Variants in PAX7 observed in about 807,000 individuals in gnomAD.
PAX7 encodes paired box protein Pax-7.
Under a neutral mutation model 50.7 loss-of-function variants are expected in PAX7, and 18 were observed. The observed-to-expected ratio is 0.36, with a 90% CI of 0.25 to 0.53. The LOEUF (loss-of-function observed/expected upper bound fraction) is 0.53, where lower values mean the gene tolerates loss of function less well. Among genes scored for constraint, PAX7 ranks in the 20% least tolerant of loss-of-function variants. The pLI is 0.93. For missense variants in PAX7, 644 were observed against 702.9 expected (o/e 0.92, Z 0.95); for synonymous variants, 310 against 290.4 (o/e 1.07, Z -0.69).
Position 18,726,273 on chromosome 1 carries a change from G to A in PAX7, c.1156-9359G>A, listed in dbSNP as rs774789380. Among the ~76,000 whole-genome samples, 1 of 152,072 alleles carries A rather than the reference G, an allele frequency of 6.6e-6. No homozygotes were observed. Among genetic ancestry groups the A allele is most frequent in the Non-Finnish European group, 1.5e-5 (1 of 68,006 alleles). On this transcript the variant is annotated intron_variant, in intron 7 of 8. Transcript: ENST00000420770. This position sits in a 1 kb window ranked among gnomAD's most constrained non-coding sequence, Gnocchi z 4.8. Reference sequence around the variant, plus strand: ...CAGTCCTTAACTAAAAGCCTCCAAGGACCCCTGGAATGGGGAGGGGGCACT... The same window carrying A: ...CAGTCCTTAACTAAAAGCCTCCAAGAACCCCTGGAATGGGGAGGGGGCACT...
intron 4 of PAX7, among the ~76,000 whole-genome samples, chr1:18,646,885 G>T (rs1320337777): frequency 6.7e-6 from 1 of 148,944 alleles, no homozygotes; most frequent in African/African-American, 2.5e-5. Context: ...GGCGCGGGGC[G>T]GCGCGGCGCG....
At chr1:18,694,290 T>C (rs1203564677) in intron 5 of PAX7, among the ~76,000 whole-genome samples, 1 of 151,824 alleles carries the variant, frequency 6.6e-6, no homozygotes, top group Non-Finnish European at 1.5e-5. Context: ...AGAAACCCTG[T>C]CTCTACTAAA....
intron 4 of PAX7, among the ~76,000 whole-genome samples, chr1:18,672,600 T>TTG (rs1371400281): frequency 4.1e-5 from 6 of 146,734 alleles, no homozygotes; most frequent in African/African-American, 1.6e-4. Flanking sequence ...CACTGTGTTT[T>TTG]TTTTTTTTTT....
rs370742910 is a variant in PAX7 at position 18,700,752 on chromosome 1, G to A, written c.886G>A (p.Gly296Ser). Residue 296 changes from glycine (G) to serine (S), a missense_variant, in exon 6 of 9, where the codon GGC (glycine) becomes AGC (serine). Transcript: ENST00000420770. This position sits in a 1 kb window ranked among gnomAD's most constrained non-coding sequence, Gnocchi z 4.8. ...TCTGCCAGGAGGCTTCCCACCCACC[G>A]GCATGCCCACGCTGCCCCCCTACCA... ...HLLPGGFPPT[G>S]MPTLPPYQLP... 2.4e-5 allele frequency: 38 copies of A among 1,595,124 alleles called. No homozygotes were observed. The highest frequency in any genetic ancestry group is 8.2e-5 in the African/African-American group (6 of 73,548).
rs143723853 is a variant in PAX7 at position 18,716,576 on chromosome 1, C to T, written c.1155+13280C>T. 6.6e-3 allele frequency among the ~76,000 whole-genome samples: 1,007 copies of T among 151,708 alleles called. 13 individuals are homozygous for T. The highest frequency in any genetic ancestry group is 0.022 in the African/African-American group (925 of 41,182). On this transcript the variant is annotated intron_variant, in intron 7 of 8. Coordinates refer to ENST00000420770, the MANE Select transcript of PAX7 (RefSeq NM_001135254.2). ...CCCCACTTCCTCTTTTCTCCCTTCG[C>T]GCCCCATTTCCCTTCGCCCCCTGTG...
intron 1 of PAX7, among the ~76,000 whole-genome samples, chr1:18,633,680 T>C (rs968619112): frequency 6.6e-6 from 1 of 152,212 alleles, no homozygotes; most frequent in Non-Finnish European, 1.5e-5. Context: ...CAACAGCATA[T>C]GTCACCCGTC....
intron 4 of PAX7, among the ~76,000 whole-genome samples, chr1:18,654,551 G>A (rs1015077343): frequency 2.0e-5 from 3 of 152,218 alleles, no homozygotes; most frequent in African/African-American, 7.2e-5. Context: ...CCAGCGAGTG[G>A]CAAGGTGGCA....
At chr1:18,677,919 T>A (rs2088846356) in intron 4 of PAX7, among the ~76,000 whole-genome samples, 2 of 151,354 alleles carry the variant, frequency 1.3e-5, no homozygotes. Flanking sequence ...CTGTCTCTAC[T>A]AAGCATACAA....
At chr1:18,674,039 C>A (rs945022447) in intron 4 of PAX7, among the ~76,000 whole-genome samples, 1 of 152,230 alleles carries the variant, frequency 6.6e-6, no homozygotes, top group African/African-American at 2.4e-5. Flanking sequence ...CACTCACCAA[C>A]AATCACGTTG....
chr1:18,732,419 C>T (rs2089657411), intron 7 of PAX7, among the ~76,000 whole-genome samples: 1 of 152,208 alleles, frequency 6.6e-6, no homozygotes, highest in South Asian at 2.1e-4. Flanking sequence ...CACGTAGGCA[C>T]TGGGACTACA....
chr1:18,636,830 A>AC lies in PAX7; in HGVS notation c.586+464dup, dbSNP rs1229721162. Among the ~76,000 whole-genome samples, 4 of 150,912 alleles carry AC rather than the reference A, an allele frequency of 2.7e-5. No individual in the cohort carries two copies. The highest frequency in any genetic ancestry group is 4.4e-5 in the Non-Finnish European group (3 of 67,684). ...CTCCCTAAATGAATTTGTTAACCAG[A>AC]CCCCCACACGCTCTCTAAACGGTCC... is the stretch of plus-strand genomic sequence containing the variant. On this transcript the variant is annotated intron_variant, in intron 4 of 8. Coordinates refer to ENST00000420770, the MANE Select transcript of PAX7 (RefSeq NM_001135254.2). The surrounding 1 kb of genome is among the most constrained non-coding windows in gnomAD (Gnocchi z 5.1).
intron 4 of PAX7, among the ~76,000 whole-genome samples, chr1:18,672,553 T>G (rs2789340): frequency 6.7e-6 from 1 of 150,316 alleles, no homozygotes; most frequent in African/African-American, 2.5e-5. Flanking sequence ...TCAGATGCAG[T>G]GTCCCCTCCT....
chr1:18,638,080 A>T (rs2088191453), intron 4 of PAX7, among the ~76,000 whole-genome samples: 1 of 152,238 alleles, frequency 6.6e-6, no homozygotes, highest in East Asian at 1.9e-4. Context: ...TTCCTGGACA[A>T]ATAATCTTTC....
At chr1:18,633,480 T>C (rs1224498388) in intron 1 of PAX7, among the ~76,000 whole-genome samples, 1 of 152,246 alleles carries the variant, frequency 6.6e-6, no homozygotes, top group South Asian at 2.1e-4. Flanking sequence ...CTGTGTCCCA[T>C]CTGCCTACCA....
rs1435895786 is a variant in PAX7 at position 18,720,129 on chromosome 1, T to C, written c.1156-15503T>C. ...TGGAGCAGATCCTTGCTACTCCAAG[T>C]CTGTTCTGCACTTTAACGAGGTCCC... On this transcript the variant is annotated intron_variant, in intron 7 of 8. Coordinates refer to ENST00000420770, the MANE Select transcript of PAX7 (RefSeq NM_001135254.2). Among the ~76,000 whole-genome samples the C allele has an allele frequency of 2.6e-5, 4 of 152,324 alleles. No individual in the cohort carries two copies. In the East Asian group the frequency reaches 7.7e-4, roughly 29 times the overall value.
At chr1:18,667,711 G>C (rs2088690762) in intron 4 of PAX7, among the ~76,000 whole-genome samples, 2 of 152,120 alleles carry the variant, frequency 1.3e-5, no homozygotes, top group Non-Finnish European at 2.9e-5. Flanking sequence ...TAGAGTCAGG[G>C]ATATGGTGTC....
chr1:18,631,325 C>T lies in PAX7; in HGVS notation c.-279C>T. Reference sequence around the variant, plus strand: ...GCCGAGGCCAGCCGGCAGAGGCGGACTTGGGGTTGGAGTGTTTGTTTGTTT... The same window carrying T: ...GCCGAGGCCAGCCGGCAGAGGCGGATTTGGGGTTGGAGTGTTTGTTTGTTT... On this transcript the variant is annotated 5_prime_UTR_variant, in exon 1 of 9. Transcript: ENST00000420770. The T allele has an allele frequency of 2.8e-6, 1 of 355,376 alleles. No individual in the cohort carries two copies. The allele number at this position is 355,376 out of a possible 1,614,324, so 22.0% of individuals were successfully genotyped here.
intron 5 of PAX7, among the ~76,000 whole-genome samples, chr1:18,696,907 T>C (rs1217400328): frequency 2.0e-5 from 3 of 152,172 alleles, no homozygotes; most frequent in Admixed American, 6.5e-5. Context: ...AAGAATATAA[T>C]TGGACTGTTT....
At chr1:18,664,287 G>A (rs1420363462) in intron 4 of PAX7, among the ~76,000 whole-genome samples, 4 of 152,226 alleles carry the variant, frequency 2.6e-5, no homozygotes, top group East Asian at 1.9e-4. Context: ...AGATGATCTC[G>A]TGCCTCTGAG....
Sources: allele counts gnomAD v4.1 joint callset (sites outside exome capture counted in the v4.1 genomes callset), GRCh38; gene constraint gnomAD v4.1.1; non-coding constraint Gnocchi (gnomAD v3.1); transcripts MANE v1.5; gene names NCBI Gene and HGNC (gene_info 2026-07-23, HGNC 2026-07-21).